The following CHRNA2 variants were observed in gnomAD, a reference collection of about 807,000 sequenced individuals.
CHRNA2 encodes neuronal acetylcholine receptor subunit alpha-2.
CHRNA2 carries 40 observed loss-of-function variants against 45.5 expected under a neutral mutation model. That is an observed-to-expected ratio of 0.88 (90% confidence interval 0.68 to 1.15). The LOEUF (loss-of-function observed/expected upper bound fraction) is 1.15, where lower values mean the gene tolerates loss of function less well. CHRNA2 is among the 50% of genes most tolerant of loss of function. CHRNA2 has a pLI of 0.00. For synonymous variants in CHRNA2, 301 were observed against 296.7 expected (o/e 1.01, Z -0.15); for missense variants, 655 against 701.7 (o/e 0.93, Z 0.75).
chr8:27,473,531 C>CG lies in CHRNA2; in HGVS notation c.-136-2338_-136-2337insC, dbSNP rs1448006510. ...CCTGGGCAACATAGTGAGACCCCCCCCGCCGTCTCTACAAAAAATTCAAAA... is the reference window on the plus strand; with the variant it reads ...CCTGGGCAACATAGTGAGACCCCCCCGCGCCGTCTCTACAAAAAATTCAAAA... On this transcript the variant is annotated intron_variant, in intron 1 of 6. Coordinates refer to ENST00000407991, the MANE Select transcript of CHRNA2 (RefSeq NM_000742.4). Among the ~76,000 whole-genome samples the CG allele has an allele frequency of 1.1e-3, 137 of 125,668 alleles. 6 individuals carry two copies. The highest frequency in any genetic ancestry group is 3.6e-3 in the Middle Eastern group (1 of 280). The allele number at this position is 125,668 out of a possible 152,430, so 82.4% of individuals were successfully genotyped here. A position where few individuals can be genotyped will look rare whatever the true frequency, so the allele number is the denominator to read the frequency against.
chr8:27,472,319 G>A (rs1355668490), intron 1 of CHRNA2, among the ~76,000 whole-genome samples: 2 of 152,212 alleles, frequency 1.3e-5, no homozygotes, highest in East Asian at 3.9e-4. Context: ...CCTAGGACTT[G>A]TGATCGGCAT....
chr8:27,478,035 C>T (rs73225398), intron 1 of CHRNA2, among the ~76,000 whole-genome samples: 4,163 of 152,206 alleles, frequency 0.027, 76 homozygotes, highest in Non-Finnish European at 0.042. Context: ...CTGTTTTCAA[C>T]TTCTCACCCA....
chr8:27,462,854 G>T, intron 6 of CHRNA2, 125 bp downstream of exon 6: 1 of 1,151,346 alleles, frequency 8.7e-7, no homozygotes, highest in South Asian at 1.3e-5. Flanking sequence ...TAAGGACCAT[G>T]ACTGAGGAAA....
At chr8:27,472,492 G>A (rs1812918939) in intron 1 of CHRNA2, among the ~76,000 whole-genome samples, 1 of 152,158 alleles carries the variant, frequency 6.6e-6, no homozygotes, top group Admixed American at 6.5e-5. Context: ...ATCTTTGGGG[G>A]GTCACAGAAG....
chr8:27,478,984 G>A lies in CHRNA2; in HGVS notation c.-297C>T, dbSNP rs1813143712. On this transcript the variant is annotated 5_prime_UTR_variant, in exon 1 of 7. Transcript: ENST00000407991. ...TGGTCAAACAGAGGCTGAAGAGTGA[G>A]GGTTTAGGAGACACCCCGTCGAGCA... is the stretch of plus-strand genomic sequence containing the variant. 6.6e-6 allele frequency: 1 copy of A among 152,110 alleles called. No individual in the cohort carries two copies. The highest frequency in any genetic ancestry group is 2.4e-5 in the African/African-American group (1 of 41,382). 9.4% of individuals were successfully genotyped at this position (152,110 alleles called of 1,614,324 possible). A position where few individuals can be genotyped will look rare whatever the true frequency, so the allele number is the denominator to read the frequency against.
At chr8:27,469,544 TCA>T in intron 3 of CHRNA2, 165 bp from the exon 4 acceptor site, 2 of 892,982 alleles carry the variant, frequency 2.2e-6, no homozygotes, top group Non-Finnish European at 1.8e-6. Context: ...TTCTCCAGGG[TCA>T]CACAGGCACT....
chr8:27,468,470 A>G (rs905647340), intron 4 of CHRNA2, among the ~76,000 whole-genome samples: 2 of 152,192 alleles, frequency 1.3e-5, no homozygotes, highest in African/African-American at 4.8e-5. Context: ...ACTGGGCTCT[A>G]TGACTGTCTG....
In CHRNA2 at chr8:27,463,890, T is replaced by A; in HGVS notation, c.553A>T (p.Ile185Phe). The A allele has an allele frequency of 6.2e-7, 1 of 1,614,204 alleles. No homozygotes were observed. The highest frequency in any genetic ancestry group is 8.5e-7 in the Non-Finnish European group (1 of 1,180,038). The change falls in exon 6 of 7, where the codon ATC (isoleucine) becomes TTC (phenylalanine). Residue 185 changes from isoleucine to phenylalanine, a missense_variant. Around this residue, in one of 3 missense-constraint regions of CHRNA2, gnomAD observed 323 missense variants for 354.4 expected, o/e 0.91. Transcript: ENST00000407991. The surrounding 1 kb of genome is among the most constrained non-coding windows in gnomAD (Gnocchi z 6.1). ...PPAIYKSSCS[I>F]DVTFFPFDQQ... ...TCGAAGGGGAAGAAGGTGACGTCGATGCTGCAGGAGCTCTTGTAGATGGCC... is the reference window on the plus strand; with the variant it reads ...TCGAAGGGGAAGAAGGTGACGTCGAAGCTGCAGGAGCTCTTGTAGATGGCC...
At chr8:27,473,204 G>A (rs1339405296) in intron 1 of CHRNA2, among the ~76,000 whole-genome samples, 2 of 152,044 alleles carry the variant, frequency 1.3e-5, no homozygotes, top group Non-Finnish European at 2.9e-5. Flanking sequence ...CGTGTATGTG[G>A]CCTAGGGAGA....
At chr8:27,462,040 G>A (rs1479978409) in intron 6 of CHRNA2, among the ~76,000 whole-genome samples, 1 of 152,228 alleles carries the variant, frequency 6.6e-6, no homozygotes, top group African/African-American at 2.4e-5. Context: ...GAGGCTAGAG[G>A]GACGCAAGGA....
At chr8:27,469,658 G>T (rs1812807782) in intron 3 of CHRNA2, 103 bp downstream of exon 3, 1 of 1,416,364 alleles carries the variant, frequency 7.1e-7, no homozygotes, top group East Asian at 2.3e-5. Flanking sequence ...CCAAGTCACT[G>T]CTGTGCGTGA....
intron 1 of CHRNA2, among the ~76,000 whole-genome samples, chr8:27,478,256 G>A (rs1028108760): frequency 1.3e-5 from 2 of 152,146 alleles, no homozygotes; most frequent in African/African-American, 4.8e-5. Flanking sequence ...AGGTGCTTAG[G>A]GGCTAGAGAG....
At chr8:27,470,774 G>C (rs1387322565) in intron 2 of CHRNA2, among the ~76,000 whole-genome samples, 2 of 152,252 alleles carry the variant, frequency 1.3e-5, no homozygotes, top group African/African-American at 4.8e-5. Flanking sequence ...GGACATTGAA[G>C]CTTGGGGACA....
Position 27,461,447 on chromosome 8 carries a change from G to A in CHRNA2, c.*182C>T, listed in dbSNP as rs368039286. 5 of 831,624 alleles carry A rather than the reference G, an allele frequency of 6.0e-6. No individual in the cohort carries two copies. Among genetic ancestry groups the A allele is most frequent in the Middle Eastern group, 3.7e-4 (1 of 2,714 alleles). The allele number at this position is 831,624 out of a possible 1,614,324, so 51.5% of individuals were successfully genotyped here. ...CCAAAACAGGGCTTTGCACCCAGCAGGCTGTCAGCCCTGGTACAATAACGT... is the reference window on the plus strand; with the variant it reads ...CCAAAACAGGGCTTTGCACCCAGCAAGCTGTCAGCCCTGGTACAATAACGT... On this transcript the variant is annotated 3_prime_UTR_variant, in exon 7 of 7. Coordinates refer to ENST00000407991, the MANE Select transcript of CHRNA2 (RefSeq NM_000742.4).
chr8:27,462,832 A>G (rs953215913), intron 6 of CHRNA2, 147 bp downstream of exon 6: 16 of 960,066 alleles, frequency 1.7e-5, no homozygotes, highest in East Asian at 2.4e-5. Flanking sequence ...CTCTCTTGCT[A>G]TTTATTCCAT....
chr8:27,474,577 G>T (rs958413722), intron 1 of CHRNA2, among the ~76,000 whole-genome samples: 12 of 152,080 alleles, frequency 7.9e-5, no homozygotes, highest in African/African-American at 2.9e-4. Context: ...GCCCGAGAGA[G>T]CATCCCAAAG....
At chr8:27,475,416 G>A (rs972866204) in intron 1 of CHRNA2, 2 of 152,224 alleles carry the variant, frequency 1.3e-5, no homozygotes, top group East Asian at 1.9e-4. Flanking sequence ...GAAACTTGAG[G>A]GCATTATGCT....
At chr8:27,473,085 A>C (rs534439249) in intron 1 of CHRNA2, among the ~76,000 whole-genome samples, 2 of 152,088 alleles carry the variant, frequency 1.3e-5, no homozygotes, top group Admixed American at 1.3e-4. Context: ...ATATATATAT[A>C]TCACTAAAAT....
chr8:27,470,035 T>A, intron 2 of CHRNA2, 54 bp from the exon 3 acceptor site: 1 of 1,498,128 alleles, frequency 6.7e-7, no homozygotes, highest in Non-Finnish European at 9.2e-7. Flanking sequence ...TGCTCATCTG[T>A]AAAATGGAGA....
Sources: gnomAD v4.1 joint callset for allele counts (sites outside exome capture counted in the v4.1 genomes callset) on GRCh38, gnomAD v4.1.1 for gene constraint, gnomAD v4.1.1 regional missense constraint, Gnocchi (gnomAD v3.1) non-coding constraint, MANE v1.5 for transcripts, NCBI Gene and HGNC (gene_info 2026-07-23, HGNC 2026-07-21) for gene names.